DHRS7: variants seen among roughly 807,000 people sequenced by gnomAD.
DHRS7 encodes the protein dehydrogenase/reductase 7.
A neutral mutation model predicts 38.9 loss-of-function variants in DHRS7; 34 were observed. The ratio of observed to expected loss-of-function variants is 0.87; its 90% confidence interval spans 0.66 to 1.16. The LOEUF is 1.16. Among genes scored for constraint, DHRS7 ranks in the 50% most tolerant of loss-of-function variants. The pLI, the probability that DHRS7 is intolerant of heterozygous loss-of-function variation, is 0.00. For synonymous variants in DHRS7, 158 were observed against 153.1 expected, an observed-to-expected ratio of 1.03 and a Z score of -0.24; for missense variants, 421 against 407.0, an observed-to-expected ratio of 1.03 and a Z score of -0.30.
At chr14:60,169,554 TA>T (rs1056579691), upstream of DHRS7, 2 of 152,200 alleles carry the variant, frequency 1.3e-5, no homozygotes, top group African/African-American at 4.8e-5. Flanking sequence ...GTCAAATATA[TA>T]CACCTGTGAA....
At position 60,165,207 on chromosome 14, in the gene DHRS7, G is replaced by A. The variant is rs892629733; in HGVS notation, c.103C>T (p.Leu35=). Residue 35 remains leucine (L), a synonymous_variant, in exon 1 of 7, where the codon CTA becomes TTA. Transcript: ENST00000557185. This position sits in a 1 kb window ranked among gnomAD's most constrained non-coding sequence, Gnocchi z 4.6. ...FLRADGDLTL[L]WAEWQGRRPE... is the part of the protein sequence containing the mutation. Reference sequence around the variant, plus strand: ...CGTCGTCCCTGCCACTCGGCCCATAGTAGCGTCAGGTCGCCGTCAGCCCTC... The same window carrying A: ...CGTCGTCCCTGCCACTCGGCCCATAATAGCGTCAGGTCGCCGTCAGCCCTC... The A allele has an allele frequency of 6.2e-7, 1 of 1,612,722 alleles. No individual in the cohort carries two copies. Among genetic ancestry groups the A allele is most frequent in the Non-Finnish European group, 8.5e-7 (1 of 1,179,796 alleles).
rs1308578405 is a variant in DHRS7 at position 60,148,155 on chromosome 14, A to G, written c.972+1198T>C. The G allele has an allele frequency of 6.6e-6, 1 of 152,190 alleles. No homozygotes were observed. Among genetic ancestry groups the G allele is most frequent in the Admixed American group, 6.5e-5 (1 of 15,276 alleles). The allele number at this position is 152,190 out of a possible 1,614,324, so 9.4% of individuals were successfully genotyped here. A position where few individuals can be genotyped will look rare whatever the true frequency, so the allele number is the denominator to read the frequency against. On this transcript the variant is annotated intron_variant, in intron 6 of 6. Transcript: ENST00000557185. The surrounding 1 kb of genome is among the most constrained non-coding windows in gnomAD (Gnocchi z 4.8). ...CTCTTAAGCATTTTGTTGTGTTTGTAACTTTTTACCCCCTAATTCATTTTC... is the reference window on the plus strand; with the variant it reads ...CTCTTAAGCATTTTGTTGTGTTTGTGACTTTTTACCCCCTAATTCATTTTC...
At chr14:60,167,062 T>TG (rs1336652206), upstream of DHRS7, among the ~76,000 whole-genome samples, 2 of 152,170 alleles carry the variant, frequency 1.3e-5, no homozygotes, top group Admixed American at 1.3e-4. Context: ...GATAGTGCAA[T>TG]GGGGTGCCTA....
chr14:60,150,132 G>T lies in DHRS7; in HGVS notation c.689C>A (p.Ser230Tyr). The T allele has an allele frequency of 6.4e-7, 1 of 1,569,510 alleles. No homozygotes were observed. Among genetic ancestry groups the T allele is most frequent in the Non-Finnish European group, 8.6e-7 (1 of 1,161,418 alleles). The change falls in exon 5 of 7, where the codon TCT becomes TAT. Residue 230 changes from serine (S) to tyrosine (Y), a missense_variant. Transcript: ENST00000557185. ...ELATYPGIIV[S>Y]NICPGPVQSN... ...TTGCACAGGTCCTGGGCAAATGTTA[G>T]AAACTATTATACCTGGGTATGTGGC...
chr14:60,154,447 T>C (rs1248172825), intron 2 of DHRS7, among the ~76,000 whole-genome samples: 1 of 152,122 alleles, frequency 6.6e-6, no homozygotes, highest in African/African-American at 2.4e-5. Flanking sequence ...CAACTACTTG[T>C]GCTTAAAATC....
chr14:60,163,187 GA>G (rs1022834534), intron 1 of DHRS7, among the ~76,000 whole-genome samples: 4 of 136,862 alleles, frequency 2.9e-5, no homozygotes, highest in African/African-American at 1.0e-4. Flanking sequence ...AAAAGAAAAA[GA>G]AAAAAAGCTT....
rs1413385741 is a variant in DHRS7, at chr14:60,153,561, T to C, written c.394-383A>G. ...AAATATAAAAATTAGCTGGGCGTGA[T>C]GGTGCATGCCTGTAATCCCAGCTAC... On this transcript the variant is annotated intron_variant, in intron 3 of 6. Transcript: ENST00000557185. The surrounding 1 kb of genome is among the most constrained non-coding windows in gnomAD (Gnocchi z 4.4). Among the ~76,000 whole-genome samples the C allele has an allele frequency of 6.6e-6, 1 of 152,118 alleles. No individual in the cohort carries two copies. Among genetic ancestry groups the C allele is most frequent in the Non-Finnish European group, 1.5e-5 (1 of 68,022 alleles).
In DHRS7 at chr14:60,153,851, T is replaced by C; in HGVS notation, c.393+108A>G. 1 of 891,788 alleles carries C rather than the reference T, an allele frequency of 1.1e-6. No individual in the cohort carries two copies. The highest frequency in any genetic ancestry group is 1.8e-6 in the Non-Finnish European group (1 of 550,034). The allele number at this position is 891,788 out of a possible 1,614,324, so 55.2% of individuals were successfully genotyped here. ...GCCCAACTCATGGGCCCGATCTCAC[T>C]GCATGGACCCCACTTGCCTAAAGCC... On this transcript the variant is annotated intron_variant, in intron 3 of 6. Transcript: ENST00000557185. The surrounding 1 kb of genome is among the most constrained non-coding windows in gnomAD (Gnocchi z 4.4).
At position 60,149,325 on chromosome 14, in the gene DHRS7, T is replaced by C. The variant is rs147897164; in HGVS notation, c.972+28A>G. 2,902 of 1,603,022 alleles carry C rather than the reference T, an allele frequency of 1.8e-3. 44 individuals carry two copies. In the Admixed American group the frequency reaches 0.036, roughly 20 times the overall value. On this transcript the variant is annotated intron_variant, in intron 6 of 6. Coordinates refer to ENST00000557185, the MANE Select transcript of DHRS7 (RefSeq NM_016029.4). Reference sequence around the variant, plus strand: ...ACCTTCCTGCAAGATTGGTACATACTATTAAGAAACTTAGAAATTGGTCTT... The same window carrying C: ...ACCTTCCTGCAAGATTGGTACATACCATTAAGAAACTTAGAAATTGGTCTT...
chr14:60,152,796 G>C (rs1294711655), intron 4 of DHRS7, 143 bp downstream of exon 4: 44 of 787,434 alleles, frequency 5.6e-5, no homozygotes, highest in Non-Finnish European at 8.9e-5. Context: ...CATCTACTGG[G>C]GGTGTCCTCT....
At chr14:60,149,991 T>C (rs1157893240) in intron 5 of DHRS7, 74 bp downstream of exon 5, 1 of 1,461,958 alleles carries the variant, frequency 6.8e-7, no homozygotes. Flanking sequence ...TGATATACAG[T>C]GATACAACAC....
In DHRS7 at chr14:60,144,840, C is replaced by A; in HGVS notation, c.*126G>T. ...TTTTTATTTCATTCCATGTTGGAAG[C>A]AAAGTCATATCTATTAAAAAGTAAA... On this transcript the variant is annotated 3_prime_UTR_variant, in exon 7 of 7. Coordinates refer to ENST00000557185, the MANE Select transcript of DHRS7 (RefSeq NM_016029.4). 1 of 802,912 alleles carries A rather than the reference C, an allele frequency of 1.2e-6. No homozygotes were observed. The highest frequency in any genetic ancestry group is 2.1e-6 in the Non-Finnish European group (1 of 478,982). The allele number at this position is 802,912 out of a possible 1,614,324, so 49.7% of individuals were successfully genotyped here. A position where few individuals can be genotyped will look rare whatever the true frequency, so the allele number is the denominator to read the frequency against.
upstream of DHRS7, chr14:60,165,705 A>G: frequency 4.0e-6 from 4 of 989,372 alleles, no homozygotes; most frequent in Non-Finnish European, 4.8e-6. The surrounding 1 kb of genome is among the most constrained non-coding windows in gnomAD (Gnocchi z 4.6). Context: ...GTACAGGGAC[A>G]CTATCAACGG....
chr14:60,153,245 A>G lies in DHRS7; in HGVS notation c.394-67T>C, dbSNP rs1246824253. On this transcript the variant is annotated intron_variant, in intron 3 of 6. Transcript: ENST00000557185. This position sits in a 1 kb window ranked among gnomAD's most constrained non-coding sequence, Gnocchi z 4.4. Reference sequence around the variant, plus strand: ...TTGTGGATAGATTGATGGAATTCCTATGGATGGTTGGTTATTTTGTTAACT... The same window carrying G: ...TTGTGGATAGATTGATGGAATTCCTGTGGATGGTTGGTTATTTTGTTAACT... The G allele has an allele frequency of 1.3e-6, 2 of 1,558,244 alleles. No homozygotes were observed. Among genetic ancestry groups the G allele is most frequent in the Non-Finnish European group, 1.8e-6 (2 of 1,138,216 alleles).
intron 4 of DHRS7, among the ~76,000 whole-genome samples, chr14:60,152,113 A>G (rs918180796): frequency 2.0e-5 from 3 of 152,252 alleles, no homozygotes; most frequent in African/African-American, 4.8e-5. Flanking sequence ...TCATGAAACC[A>G]TGATGACCAT....
chr14:60,159,277 T>C (rs925420584), intron 1 of DHRS7: 4 of 431,426 alleles, frequency 9.3e-6, no homozygotes, highest in South Asian at 6.0e-5. Context: ...GAAAATTTCA[T>C]GTCAGCTTCT....
upstream of DHRS7, chr14:60,165,554 C>T: frequency 7.9e-7 from 1 of 1,269,264 alleles, no homozygotes; most frequent in African/African-American, 1.6e-5. This position sits in a 1 kb window ranked among gnomAD's most constrained non-coding sequence, Gnocchi z 4.6. Flanking sequence ...CGGCAGATTG[C>T]TTGAATTCAA....
chr14:60,161,710 G>C lies in DHRS7; in HGVS notation c.133+3467C>G, dbSNP rs1379439251. Among the ~76,000 whole-genome samples the C allele has an allele frequency of 6.6e-6, 1 of 152,214 alleles. No individual in the cohort carries two copies. Among genetic ancestry groups the C allele is most frequent in the Non-Finnish European group, 1.5e-5 (1 of 68,034 alleles). ...GATTCGGTAGGGTCTGGACAGTGCA[G>C]AGCAGGATGAGATGTCAAAAATCAC... On this transcript the variant is annotated intron_variant, in intron 1 of 6. Transcript: ENST00000557185. The surrounding 1 kb of genome is among the most constrained non-coding windows in gnomAD (Gnocchi z 4.2).
Position 60,161,099 on chromosome 14 carries a change from AAACTC to A in DHRS7, c.133+4073_133+4077del, listed in dbSNP as rs1457791854. ...TGCTTGTTCTCCCAGAATTTTTTGTAAACTCAACTCCTCTGTTTACAGAGTTTTAG... is the reference window on the plus strand; with the variant it reads ...TGCTTGTTCTCCCAGAATTTTTTGTAAACTCCTCTGTTTACAGAGTTTTAG... On this transcript the variant is annotated intron_variant, in intron 1 of 6. Transcript: ENST00000557185. The surrounding 1 kb of genome is among the most constrained non-coding windows in gnomAD (Gnocchi z 4.2). 6.6e-6 allele frequency among the ~76,000 whole-genome samples: 1 copy of A among 152,208 alleles called. No homozygotes were observed. Among genetic ancestry groups the A allele is most frequent in the Non-Finnish European group, 1.5e-5 (1 of 68,032 alleles).
Sources: gnomAD v4.1 joint callset for allele counts (sites outside exome capture counted in the v4.1 genomes callset) on GRCh38, gnomAD v4.1.1 for gene constraint, Gnocchi (gnomAD v3.1) non-coding constraint, MANE v1.5 for transcripts, NCBI Gene and HGNC (gene_info 2026-07-23, HGNC 2026-07-21) for gene names.